Variants in PPARG observed in about 807,000 individuals in gnomAD.
The protein encoded by PPARG is peroxisome proliferator activated receptor gamma, also known as peroxisome proliferator-activated receptor gamma.
Under a neutral mutation model 39.2 loss-of-function variants are expected in PPARG, and 17 were observed. The observed-to-expected ratio is 0.43, with a 90% CI of 0.30 to 0.65. The LOEUF is 0.65. PPARG is among the 30% of genes least tolerant of loss of function. The pLI is 0.13. For synonymous variants in PPARG, 223 were observed against 215.7 expected, an observed-to-expected ratio of 1.03 and a Z score of -0.30; for missense variants, 406 against 585.9, an observed-to-expected ratio of 0.69 and a Z score of 3.17.
chr3:12,416,116 T>C (rs2051048105), intron 6 of PPARG, among the ~76,000 whole-genome samples: 1 of 152,232 alleles, frequency 6.6e-6, no homozygotes, highest in South Asian at 2.1e-4. Context: ...TGGTGGCTCA[T>C]GCCTGTAATC....
chr3:12,288,376 G>T (rs17036163), upstream of PPARG, among the ~76,000 whole-genome samples: 3,692 of 151,806 alleles, frequency 0.024, 137 homozygotes, highest in African/African-American at 0.084. Flanking sequence ...GGCCGGTGCC[G>T]ACTCGAGTGG....
At chr3:12,401,390 T>C (rs561313389) in intron 5 of PPARG, among the ~76,000 whole-genome samples, 3 of 152,312 alleles carry the variant, frequency 2.0e-5, no homozygotes, top group South Asian at 4.2e-4. Context: ...ACTACCAGCC[T>C]GGTCTAGAAC....
chr3:12,321,155 A>C (rs1396556613), intron 2 of PPARG, among the ~76,000 whole-genome samples: 1 of 152,084 alleles, frequency 6.6e-6, no homozygotes, highest in African/African-American at 2.4e-5. Flanking sequence ...ACCCCTTTAA[A>C]ATGTGTGGCC....
intron 2 of PPARG, among the ~76,000 whole-genome samples, chr3:12,333,623 A>T (rs1358387416): frequency 2.6e-5 from 4 of 152,066 alleles, no homozygotes; most frequent in African/African-American, 9.7e-5. Context: ...GTTCTGAGCT[A>T]TGGTAAAGCA....
In PPARG at chr3:12,379,875, G is replaced by A. The variant is rs1196196054; in HGVS notation, c.164G>A (p.Arg55Lys). Reference protein sequence around the residue: ...TPHYEDIPFTRTDPVVADYKY... With the variant: ...TPHYEDIPFTKTDPVVADYKY... ...CATTACGAAGACATTCCATTCACAA[G>A]AACAGATCCAGTGGTTGCAGATTAC... The change falls in exon 3 of 8, where the codon AGA (arginine) becomes AAA (lysine). Residue 55 changes from arginine to lysine, a missense_variant. Arg to Lys is a conservative substitution (Grantham distance 26). Coordinates refer to ENST00000651735, the MANE Select transcript of PPARG (RefSeq NM_138711.6). 4 of 1,613,714 alleles carry A rather than the reference G, an allele frequency of 2.5e-6. No individual in the cohort carries two copies. The African/African-American group carries it at 4.0e-5, about 16-fold the overall frequency.
In PPARG at chr3:12,364,481, T is replaced by A. The variant is rs78289144; in HGVS notation, c.-8-15223T>A. ...TGAAGGGTGTCTTGGTGCTTCCAAG[T>A]TTTGGCAATTATGAATAGAGATGCT... On this transcript the variant is annotated intron_variant, in intron 2 of 7. Coordinates refer to ENST00000651735, the MANE Select transcript of PPARG (RefSeq NM_138711.6). Among the ~76,000 whole-genome samples the A allele has an allele frequency of 4.1e-4, 62 of 152,332 alleles. No individual in the cohort carries two copies. In the East Asian group the frequency reaches 0.012, roughly 29 times the overall value.
intron 1 of PPARG, among the ~76,000 whole-genome samples, chr3:12,299,369 G>A (rs112149746): frequency 5.3e-5 from 8 of 152,222 alleles, no homozygotes; most frequent in African/African-American, 1.9e-4. Context: ...GCTAGGCACC[G>A]TGGACTCAGG....
At chr3:12,305,773 T>G (rs988961413) in intron 1 of PPARG, 1 of 152,248 alleles carries the variant, frequency 6.6e-6, no homozygotes, top group Non-Finnish European at 1.5e-5. Flanking sequence ...TTAAGGTAAC[T>G]TAGTATACAA....
intron 7 of PPARG, among the ~76,000 whole-genome samples, chr3:12,420,841 T>A (rs2051236318): frequency 6.6e-6 from 1 of 152,258 alleles, no homozygotes; most frequent in Admixed American, 6.5e-5. Context: ...TGCTGTTCAC[T>A]CAGCTCTCAA....
chr3:12,319,025 A>T (rs776040020), intron 2 of PPARG, among the ~76,000 whole-genome samples: 10 of 152,232 alleles, frequency 6.6e-5, no homozygotes, highest in Non-Finnish European at 1.5e-4. Flanking sequence ...CTTAAAAGTC[A>T]TAAGACTTGG....
intron 2 of PPARG, among the ~76,000 whole-genome samples, chr3:12,316,295 ACT>A (rs1215288850): frequency 6.6e-6 from 1 of 152,124 alleles, no homozygotes. Flanking sequence ...TTTGCCGGTA[ACT>A]CTTGTGTATG....
chr3:12,433,749 C>T, intron 7 of PPARG, 149 bp from the exon 8 acceptor site: 1 of 1,112,350 alleles, frequency 9.0e-7, no homozygotes, highest in South Asian at 1.3e-5. Flanking sequence ...TATCTGCTTA[C>T]CCTTCCTCCC....
At chr3:12,325,466 T>C (rs890201882) in intron 2 of PPARG, among the ~76,000 whole-genome samples, 27 of 151,946 alleles carry the variant, frequency 1.8e-4, no homozygotes, top group Non-Finnish European at 3.5e-4. Context: ...GCCAGTGTCG[T>C]GGTGTGCACC....
At chr3:12,329,336 A>G (rs2047785775) in intron 2 of PPARG, among the ~76,000 whole-genome samples, 1 of 152,188 alleles carries the variant, frequency 6.6e-6, no homozygotes, top group African/African-American at 2.4e-5. Context: ...TATCTTTGAG[A>G]CTTTTAACAT....
intron 4 of PPARG, among the ~76,000 whole-genome samples, chr3:12,384,353 T>A (rs531972354): frequency 1.1e-3 from 169 of 152,142 alleles, no homozygotes; most frequent in Non-Finnish European, 2.0e-3. Context: ...TCGGCTGGGG[T>A]TTTTATTCGG....
chr3:12,354,753 C>CAAAA (rs71063823), intron 2 of PPARG, among the ~76,000 whole-genome samples: 2 of 116,228 alleles, frequency 1.7e-5, no homozygotes, highest in African/African-American at 3.3e-5. Context: ...GACTCCATCT[C>CAAAA]AAAAAAAAAA....
intron 2 of PPARG, among the ~76,000 whole-genome samples, chr3:12,341,160 G>C (rs1326143589): frequency 3.3e-5 from 5 of 149,816 alleles, no homozygotes; most frequent in Non-Finnish European, 3.0e-5. Flanking sequence ...TCCAGCCTGG[G>C]CAACAGAGCG....
chr3:12,316,770 C>T (rs981319855), intron 2 of PPARG, among the ~76,000 whole-genome samples: 1 of 151,574 alleles, frequency 6.6e-6, no homozygotes, highest in Non-Finnish European at 1.5e-5. Flanking sequence ...CATTTACCAA[C>T]TGGCAGTTTA....
At chr3:12,409,943 A>G (rs1275913525) in intron 6 of PPARG, among the ~76,000 whole-genome samples, 10 of 152,184 alleles carry the variant, frequency 6.6e-5, no homozygotes, top group Admixed American at 5.9e-4. Context: ...GCACCTTTCA[A>G]AATGGATAAA....
Sources: gnomAD v4.1 joint callset for allele counts (sites outside exome capture counted in the v4.1 genomes callset) on GRCh38, gnomAD v4.1.1 for gene constraint, MANE v1.5 for transcripts, NCBI Gene and HGNC (gene_info 2026-07-23, HGNC 2026-07-21) for gene names.